Variants in ATXN7 observed in about 807,000 individuals in gnomAD.
The protein encoded by ATXN7 is ataxin 7, also known as ataxin-7.
In ATXN7, 12 loss-of-function variants were observed where a neutral mutation model predicts 70.5. The observed-to-expected ratio is 0.17, with a 90% CI of 0.11 to 0.28. ATXN7 has a LOEUF of 0.28. Among genes scored for constraint, ATXN7 ranks in the 10% least tolerant of loss-of-function variants. ATXN7 has a pLI of 1.00. For missense variants in ATXN7, 1,256 were observed against 1,131.7 expected (o/e 1.11, Z -1.58); for synonymous variants, 498 against 448.7 (o/e 1.11, Z -1.39).
chr3:63,870,707 A>G (rs1017477692), intron 1 of ATXN7, among the ~76,000 whole-genome samples: 2 of 152,068 alleles, frequency 1.3e-5, no homozygotes, highest in Non-Finnish European at 2.9e-5. Flanking sequence ...TAATGTTCCT[A>G]TTAATCCTTC....
chr3:63,949,579 A>G (rs925950076), intron 4 of ATXN7, among the ~76,000 whole-genome samples: 2 of 152,056 alleles, frequency 1.3e-5, no homozygotes, highest in Admixed American at 6.6e-5. Context: ...TTGTATTTTT[A>G]GTAGAGACAG....
chr3:63,937,816 G>T (rs1334198447), intron 4 of ATXN7, among the ~76,000 whole-genome samples: 1 of 152,038 alleles, frequency 6.6e-6, no homozygotes, highest in East Asian at 1.9e-4. Flanking sequence ...TGTGATCTTG[G>T]GCAAGTTACT....
chr3:63,978,291 A>G (rs2075426152), intron 5 of ATXN7, among the ~76,000 whole-genome samples: 1 of 152,172 alleles, frequency 6.6e-6, no homozygotes, highest in Middle Eastern at 3.2e-3. Flanking sequence ...GCCTTCCAAA[A>G]TCACTCCTTT....
chr3:63,941,760 G>C (rs1471973991), intron 4 of ATXN7, among the ~76,000 whole-genome samples: 1 of 152,064 alleles, frequency 6.6e-6, no homozygotes, highest in Non-Finnish European at 1.5e-5. Context: ...GGGAAATCCA[G>C]TTATCTTTAA....
chr3:63,874,209 A>T (rs1334227645), intron 1 of ATXN7, among the ~76,000 whole-genome samples: 1 of 152,220 alleles, frequency 6.6e-6, no homozygotes, highest in Non-Finnish European at 1.5e-5. Context: ...CACTATAAAC[A>T]TTTTTATCCA....
In ATXN7 at chr3:63,864,012, C is replaced by T. The variant is rs958319236; in HGVS notation, c.-257C>T. The stretch of plus-strand genomic sequence containing the variant: ...CGCTCCCCGCGCTCCCGGTACTCCC[C>T]GGGGGCGGCCGCGGCCGGCGCGAGT... On this transcript the variant is annotated 5_prime_UTR_variant, in exon 1 of 13. Transcript: ENST00000674280. The T allele has an allele frequency of 6.8e-6, 1 of 148,038 alleles. No homozygotes were observed. The highest frequency in any genetic ancestry group is 1.5e-5 in the Non-Finnish European group (1 of 68,216). 9.2% of individuals were successfully genotyped at this position (148,038 alleles called of 1,614,324 possible).
intron 5 of ATXN7, among the ~76,000 whole-genome samples, chr3:63,972,675 T>C (rs2075330604): frequency 6.6e-6 from 1 of 152,212 alleles, no homozygotes; most frequent in African/African-American, 2.4e-5. Context: ...TTAGCTTGAA[T>C]GAATGTTCTT....
intron 4 of ATXN7, among the ~76,000 whole-genome samples, chr3:63,936,075 C>A (rs546868888): frequency 5.3e-5 from 8 of 152,252 alleles, no homozygotes; most frequent in African/African-American, 1.9e-4. Context: ...ATGTAAGTCC[C>A]ATGAGGGCAA....
Position 64,001,179 on chromosome 3 carries a change from CA to C in ATXN7, c.*1717del, listed in dbSNP as rs2075829374. On this transcript the variant is annotated 3_prime_UTR_variant, in exon 13 of 13. Coordinates refer to ENST00000674280, the MANE Select transcript of ATXN7 (RefSeq NM_001377405.1). ...GAATTATTCTTATTATGTAAGAAAA[CA>C]AAAACTTTATGCAGATACTTTAGCT... 1 of 151,986 alleles carries C rather than the reference CA, an allele frequency of 6.6e-6. No individual in the cohort carries two copies. The highest frequency in any genetic ancestry group is 1.5e-5 in the Non-Finnish European group (1 of 67,994). 9.4% of individuals were successfully genotyped at this position (151,986 alleles called of 1,614,324 possible).
At chr3:63,900,959 G>T (rs151181464) in intron 2 of ATXN7, 4 of 152,376 alleles carry the variant, frequency 2.6e-5, no homozygotes, top group Non-Finnish European at 5.9e-5. Context: ...TCCATCTAAT[G>T]TGGCAATCCC....
In ATXN7 at chr3:63,979,891, T is replaced by C. The variant is rs1290437078; in HGVS notation, c.500-24T>C. ...GAGATTCGCCTAAAACATGATGTCT[T>C]TTTTTCTTTGCTTTCGTTTTCAGAA... On this transcript the variant is annotated intron_variant, in intron 5 of 12. Transcript: ENST00000674280. The C allele has an allele frequency of 1.9e-6, 3 of 1,611,862 alleles. No individual in the cohort carries two copies. The South Asian group carries it at 3.3e-5, about 18-fold the overall frequency.
intron 11 of ATXN7, among the ~76,000 whole-genome samples, chr3:63,992,209 A>G (rs2075683164): frequency 6.6e-6 from 1 of 152,210 alleles, no homozygotes. Flanking sequence ...AACCATCTCC[A>G]TGATCATTAG....
chr3:63,984,686 A>G (rs1488569764), intron 8 of ATXN7, among the ~76,000 whole-genome samples: 1 of 152,234 alleles, frequency 6.6e-6, no homozygotes, highest in African/African-American at 2.4e-5. Flanking sequence ...TGTGCAAGAC[A>G]GTATTGTTGA....
rs2075814224 is a variant in ATXN7 at position 63,999,701 on chromosome 3, T to A, written c.*234T>A. 3 of 724,160 alleles carry A rather than the reference T, an allele frequency of 4.1e-6. No individual in the cohort carries two copies. The highest frequency in any genetic ancestry group is 3.5e-5 in the South Asian group (2 of 57,432). 44.9% of individuals were successfully genotyped at this position (724,160 alleles called of 1,614,324 possible). A position where few individuals can be genotyped will look rare whatever the true frequency, so the allele number is the denominator to read the frequency against. On this transcript the variant is annotated 3_prime_UTR_variant, in exon 13 of 13. Coordinates refer to ENST00000674280, the MANE Select transcript of ATXN7 (RefSeq NM_001377405.1). ...ATCAAGTTCAGCCACCGAATTGCTT[T>A]TATCAGTGTTAAAGTGGTCTGAACT...
At chr3:63,913,839 A>C (rs1054816395) in intron 4 of ATXN7, among the ~76,000 whole-genome samples, 17 of 152,132 alleles carry the variant, frequency 1.1e-4, no homozygotes, top group Admixed American at 9.8e-4. Flanking sequence ...GTTAGTTTTA[A>C]ACTGTTTGGT....
chr3:63,878,276 G>A (rs1013685060), intron 1 of ATXN7, among the ~76,000 whole-genome samples: 6 of 152,180 alleles, frequency 3.9e-5, no homozygotes, highest in Non-Finnish European at 8.8e-5. Context: ...TCAGCCAGAG[G>A]AAACCCTGGA....
At chr3:63,949,650 G>A (rs980459142) in intron 4 of ATXN7, among the ~76,000 whole-genome samples, 9 of 152,060 alleles carry the variant, frequency 5.9e-5, no homozygotes, top group African/African-American at 2.2e-4. Flanking sequence ...CGCCTTCCTC[G>A]GCCTCCCAAA....
intron 12 of ATXN7, among the ~76,000 whole-genome samples, chr3:63,997,296 C>T (rs183240895): frequency 7.9e-4 from 121 of 152,236 alleles, no homozygotes; most frequent in African/African-American, 2.6e-3. Flanking sequence ...AAAAGAATTT[C>T]AGATATTCTG....
chr3:63,950,983 A>G (rs1367879106), intron 4 of ATXN7, among the ~76,000 whole-genome samples: 1 of 152,116 alleles, frequency 6.6e-6, no homozygotes, highest in East Asian at 1.9e-4. Flanking sequence ...TATAAGTCAG[A>G]ATTGAATTCC....
Sources: allele counts gnomAD v4.1 joint callset (sites outside exome capture counted in the v4.1 genomes callset), GRCh38; gene constraint gnomAD v4.1.1; transcripts MANE v1.5; gene names NCBI Gene and HGNC (gene_info 2026-07-23, HGNC 2026-07-21).